The following SBF2 variants were observed in gnomAD, a reference collection of about 807,000 sequenced individuals.
SBF2 encodes SET binding factor 2, also known as myotubularin-related protein 13.
A neutral mutation model predicts 225.2 loss-of-function variants in SBF2; 112 were observed. The observed-to-expected ratio is 0.50, with a 90% CI of 0.43 to 0.58. The LOEUF (loss-of-function observed/expected upper bound fraction) is 0.58, where lower values mean the gene tolerates loss of function less well. Among genes scored for constraint, SBF2 ranks in the 20% least tolerant of loss-of-function variants. SBF2 has a pLI of 0.00. For missense variants in SBF2, 1,996 were observed against 2,206.2 expected (o/e 0.90, Z 1.91); for synonymous variants, 763 against 773.3 (o/e 0.99, Z 0.22).
At chr11:9,922,219 C>T (rs1863686353) in intron 16 of SBF2, among the ~76,000 whole-genome samples, 1 of 151,896 alleles carries the variant, frequency 6.6e-6, no homozygotes, top group Non-Finnish European at 1.5e-5. Flanking sequence ...CACGGTACTC[C>T]AGCCTGGGAA....
At chr11:10,214,897 G>C (rs938922287) in intron 1 of SBF2, among the ~76,000 whole-genome samples, 1 of 152,142 alleles carries the variant, frequency 6.6e-6, no homozygotes, top group East Asian at 1.9e-4. Flanking sequence ...CTTAAGATAA[G>C]AATCAGATGC....
At chr11:9,939,314 T>A (rs1042912510) in intron 16 of SBF2, among the ~76,000 whole-genome samples, 2 of 152,146 alleles carry the variant, frequency 1.3e-5, no homozygotes, top group African/African-American at 4.8e-5. Flanking sequence ...GCCAGGCTGG[T>A]GTTGATCTCC....
At chr11:10,263,937 C>T (rs1225567508) in intron 1 of SBF2, among the ~76,000 whole-genome samples, 3 of 152,070 alleles carry the variant, frequency 2.0e-5, no homozygotes, top group Non-Finnish European at 2.9e-5. Flanking sequence ...TAACAATAAC[C>T]TGATAACTAC....
chr11:9,942,732 G>C (rs1303312832), intron 16 of SBF2, among the ~76,000 whole-genome samples: 1 of 152,068 alleles, frequency 6.6e-6, no homozygotes, highest in Non-Finnish European at 1.5e-5. Flanking sequence ...CAGGGAGGTT[G>C]AGGTGAGAGG....
chr11:10,185,618 CT>C (rs202109502), intron 2 of SBF2, among the ~76,000 whole-genome samples: 10,647 of 136,970 alleles, frequency 0.078, 595 homozygotes, highest in East Asian at 0.35. Flanking sequence ...CTGTGCTTGG[CT>C]TTTTTTTTTT....
At chr11:10,259,562 C>T (rs907489901) in intron 1 of SBF2, among the ~76,000 whole-genome samples, 9 of 152,176 alleles carry the variant, frequency 5.9e-5, no homozygotes, top group African/African-American at 2.4e-5. Flanking sequence ...ACTGTAGCCA[C>T]AAGGCCTTAG....
At chr11:9,914,024 A>G (rs946082544) in intron 16 of SBF2, among the ~76,000 whole-genome samples, 4 of 152,238 alleles carry the variant, frequency 2.6e-5, no homozygotes, top group Non-Finnish European at 4.4e-5. Flanking sequence ...TTCCTTTTAC[A>G]TAGTATATCA....
chr11:10,296,914 A>G (rs369927018), upstream of SBF2, among the ~76,000 whole-genome samples: 3 of 152,044 alleles, frequency 2.0e-5, no homozygotes, highest in Admixed American at 1.3e-4. Flanking sequence ...GTGTGAAGTG[A>G]TATCTCATTG....
intron 3 of SBF2, among the ~76,000 whole-genome samples, chr11:10,042,214 C>T (rs774023560): frequency 2.0e-5 from 3 of 152,158 alleles, no homozygotes; most frequent in Non-Finnish European, 4.4e-5. Flanking sequence ...GTTCCTAGTA[C>T]CCAGAATTGG....
At chr11:9,867,210 G>A (rs767124077) in intron 17 of SBF2, among the ~76,000 whole-genome samples, 1 of 152,140 alleles carries the variant, frequency 6.6e-6, no homozygotes, top group South Asian at 2.1e-4. Flanking sequence ...ATTACATAAT[G>A]CATGCTTGTA....
intron 1 of SBF2, among the ~76,000 whole-genome samples, chr11:10,220,966 T>C (rs886742974): frequency 6.6e-6 from 1 of 152,176 alleles, no homozygotes; most frequent in Non-Finnish European, 1.5e-5. Flanking sequence ...CTAGAAAGCC[T>C]TCTTTCATCT....
chr11:9,949,228 A>G (rs1029029761), intron 16 of SBF2, among the ~76,000 whole-genome samples: 4 of 152,188 alleles, frequency 2.6e-5, no homozygotes, highest in African/African-American at 9.6e-5. Flanking sequence ...CTTATATTTG[A>G]AAACCTAACT....
At chr11:10,007,046 A>G (rs1948229872) in intron 6 of SBF2, among the ~76,000 whole-genome samples, 1 of 152,194 alleles carries the variant, frequency 6.6e-6, no homozygotes, top group Non-Finnish European at 1.5e-5. Flanking sequence ...TCATTATAAC[A>G]GAGATGAAGG....
chr11:9,874,786 C>T (rs1464417655), intron 17 of SBF2, among the ~76,000 whole-genome samples: 2 of 152,148 alleles, frequency 1.3e-5, no homozygotes, highest in Admixed American at 6.5e-5. Context: ...GGATAAGTCA[C>T]CTAAGCTCCT....
chr11:10,168,035 C>T (rs1196636333), intron 2 of SBF2, among the ~76,000 whole-genome samples: 1 of 152,034 alleles, frequency 6.6e-6, no homozygotes, highest in African/African-American at 2.4e-5. Flanking sequence ...AAAACAAAAA[C>T]AAAGTAACAG....
intron 6 of SBF2, among the ~76,000 whole-genome samples, chr11:10,011,554 C>A (rs574971726): frequency 6.6e-6 from 1 of 152,152 alleles, no homozygotes; most frequent in South Asian, 2.1e-4. Context: ...GGTCTACTAG[C>A]GATAAATCTG....
chr11:10,155,909 T>C (rs1042618817), intron 2 of SBF2, among the ~76,000 whole-genome samples: 2 of 152,224 alleles, frequency 1.3e-5, no homozygotes, highest in Non-Finnish European at 2.9e-5. Flanking sequence ...GGAGCCCCTG[T>C]GGGGATGCCA....
chr11:9,881,063 A>C (rs1859725466), intron 17 of SBF2, among the ~76,000 whole-genome samples: 1 of 152,232 alleles, frequency 6.6e-6, no homozygotes, highest in Admixed American at 6.5e-5. Flanking sequence ...AAGATTATGT[A>C]CAAGCCACTC....
At chr11:10,202,766 T>C (rs1055413875) in intron 1 of SBF2, among the ~76,000 whole-genome samples, 10 of 152,118 alleles carry the variant, frequency 6.6e-5, no homozygotes, top group African/African-American at 1.2e-4. Context: ...CCAGCCTGGG[T>C]GACAGAGCGA....
Sources: gnomAD v4.1 joint callset for allele counts (sites outside exome capture counted in the v4.1 genomes callset) on GRCh38, gnomAD v4.1.1 for gene constraint, MANE v1.5 for transcripts, NCBI Gene and HGNC (gene_info 2026-07-23, HGNC 2026-07-21) for gene names.